Variants in ADAMTS17 observed in about 807,000 individuals in gnomAD.
ADAMTS17 encodes the protein A disintegrin and metalloproteinase with thrombospondin motifs 17.
ADAMTS17 carries 113 observed loss-of-function variants against 141.5 expected under a neutral mutation model. The ratio of observed to expected loss-of-function variants is 0.80; its 90% CI spans 0.69 to 0.93. The LOEUF (loss-of-function observed/expected upper bound fraction) is 0.93, where lower values mean the gene tolerates loss of function less well. Ranked by LOEUF, ADAMTS17 falls within the 40% of genes least tolerant of loss-of-function variation. The pLI is 0.00. For synonymous variants in ADAMTS17, 768 were observed against 630.6 expected (o/e 1.22, Z -3.27); for missense variants, 1,659 against 1,517.9 (o/e 1.09, Z -1.54).
At chr15:100,044,440 T>C (rs544274900) in intron 18 of ADAMTS17, among the ~76,000 whole-genome samples, 12 of 152,238 alleles carry the variant, frequency 7.9e-5, no homozygotes, top group Admixed American at 7.9e-4. Flanking sequence ...TACTCTGTTG[T>C]TAGACCCATG....
chr15:100,111,742 A>G (rs1286219625), intron 13 of ADAMTS17, among the ~76,000 whole-genome samples: 1 of 152,272 alleles, frequency 6.6e-6, no homozygotes, highest in African/African-American at 2.4e-5. Context: ...TGATGAAATC[A>G]TAAACGATAT....
intron 10 of ADAMTS17, among the ~76,000 whole-genome samples, chr15:100,146,891 G>A (rs34038296): frequency 1.8e-4 from 27 of 152,088 alleles, no homozygotes; most frequent in South Asian, 6.2e-4. Context: ...GGAAATTCCC[G>A]CCTAATAAAT....
At chr15:100,068,343 A>G (rs1262340003) in intron 15 of ADAMTS17, among the ~76,000 whole-genome samples, 1 of 152,172 alleles carries the variant, frequency 6.6e-6, no homozygotes, top group Non-Finnish European at 1.5e-5. Flanking sequence ...ATAGCCAAAC[A>G]AAAGGCAGCA....
chr15:100,009,356 C>T (rs190145005), intron 18 of ADAMTS17, among the ~76,000 whole-genome samples: 4 of 152,216 alleles, frequency 2.6e-5, no homozygotes, highest in South Asian at 2.1e-4. Flanking sequence ...ACTTCCAGCA[C>T]GGGTGCACCT....
intron 8 of ADAMTS17, among the ~76,000 whole-genome samples, chr15:100,192,693 T>C (rs1304513152): frequency 6.6e-6 from 1 of 152,256 alleles, no homozygotes; most frequent in Admixed American, 6.5e-5. Context: ...CCCACAGCAC[T>C]GTGCCGGCTG....
intron 14 of ADAMTS17, 107 bp from the exon 15 acceptor site, chr15:100,096,583 C>T (rs2035773577): frequency 1.4e-6 from 2 of 1,461,428 alleles, no homozygotes; most frequent in African/African-American, 1.4e-5. Context: ...TACATGGGGC[C>T]TGGGGCCCTG....
intron 18 of ADAMTS17, among the ~76,000 whole-genome samples, chr15:100,028,334 C>T (rs2029865542): frequency 6.6e-6 from 1 of 152,192 alleles, no homozygotes; most frequent in Non-Finnish European, 1.5e-5. Flanking sequence ...AAACGGCATT[C>T]TTCGGACCCG....
chr15:100,143,891 C>T lies in ADAMTS17; in HGVS notation c.1473+8721G>A, dbSNP rs143966761. ...GGAAATGATGTTTAAATTGATTGGTCTTAAAACAGCTATGAATTGCGAGTG... is the reference window on the plus strand; with the variant it reads ...GGAAATGATGTTTAAATTGATTGGTTTTAAAACAGCTATGAATTGCGAGTG... On this transcript the variant is annotated intron_variant, in intron 10 of 21. Coordinates refer to ENST00000268070, the MANE Select transcript of ADAMTS17 (RefSeq NM_139057.4). 6.9e-3 allele frequency among the ~76,000 whole-genome samples: 1,056 copies of T among 152,276 alleles called. 18 individuals carry two copies. The highest frequency in any genetic ancestry group is 0.024 in the African/African-American group (1,006 of 41,558).
intron 18 of ADAMTS17, among the ~76,000 whole-genome samples, chr15:100,015,521 A>G (rs1025011518): frequency 3.9e-5 from 6 of 152,116 alleles, no homozygotes; most frequent in Non-Finnish European, 4.4e-5. Flanking sequence ...TTGTTTCAAG[A>G]TTTAGAGCTC....
At chr15:100,097,314 T>G (rs1353198548) in intron 14 of ADAMTS17, among the ~76,000 whole-genome samples, 1 of 152,108 alleles carries the variant, frequency 6.6e-6, no homozygotes, top group Admixed American at 6.6e-5. Context: ...AAGAACTGGG[T>G]TTTTCCTACT....
chr15:99,978,210 T>G (rs2060407047), intron 20 of ADAMTS17, among the ~76,000 whole-genome samples: 1 of 152,178 alleles, frequency 6.6e-6, no homozygotes, highest in Non-Finnish European at 1.5e-5. Context: ...GTCCCATCTG[T>G]GCCTGGGAGG....
intron 3 of ADAMTS17, chr15:100,305,888 T>A (rs2141835375): frequency 6.6e-6 from 1 of 152,392 alleles, no homozygotes; most frequent in South Asian, 2.1e-4. Context: ...CATCACATTG[T>A]ACATTTGAAT....
intron 12 of ADAMTS17, chr15:100,125,988 A>T (rs1391699418): frequency 6.6e-6 from 1 of 152,220 alleles, no homozygotes; most frequent in African/African-American, 2.4e-5. Flanking sequence ...ATAGCAGTGA[A>T]TTTGGGACAA....
At chr15:100,174,631 C>G (rs2040272854) in intron 8 of ADAMTS17, among the ~76,000 whole-genome samples, 1 of 152,138 alleles carries the variant, frequency 6.6e-6, no homozygotes, top group Non-Finnish European at 1.5e-5. Context: ...TAGCTTCTTG[C>G]AGTAATCACT....
At chr15:100,198,032 G>C in intron 8 of ADAMTS17, among the ~76,000 whole-genome samples, 1 of 152,182 alleles carries the variant, frequency 6.6e-6, no homozygotes, top group East Asian at 1.9e-4. Context: ...AGGGGATGGA[G>C]GACTAGGGGA....
At chr15:100,124,208 C>T (rs2037601390) in intron 12 of ADAMTS17, among the ~76,000 whole-genome samples, 1 of 152,150 alleles carries the variant, frequency 6.6e-6, no homozygotes, top group East Asian at 1.9e-4. Context: ...TCAGGTGATC[C>T]ATCCGCCTTG....
At chr15:100,063,106 A>G (rs758710813) in intron 15 of ADAMTS17, among the ~76,000 whole-genome samples, 203 of 152,336 alleles carry the variant, frequency 1.3e-3, no homozygotes, top group Non-Finnish European at 2.2e-3. Flanking sequence ...AGTTAGGAAA[A>G]CTAGTCCAGA....
chr15:100,010,401 T>A (rs2061139592), intron 18 of ADAMTS17, among the ~76,000 whole-genome samples: 1 of 152,216 alleles, frequency 6.6e-6, no homozygotes, highest in Admixed American at 6.5e-5. Flanking sequence ...CATCCCTTCC[T>A]TCTCTCCGTG....
intron 14 of ADAMTS17, among the ~76,000 whole-genome samples, chr15:100,097,916 T>G (rs1202546291): frequency 6.6e-6 from 1 of 152,228 alleles, no homozygotes; most frequent in Non-Finnish European, 1.5e-5. Flanking sequence ...ATTACTATTG[T>G]TCTGTCCAAA....
Sources: gnomAD v4.1 joint callset for allele counts (sites outside exome capture counted in the v4.1 genomes callset) on GRCh38, gnomAD v4.1.1 for gene constraint, MANE v1.5 for transcripts, NCBI Gene and HGNC (gene_info 2026-07-23, HGNC 2026-07-21) for gene names.